Variants in PABPC4L observed in about 807,000 individuals in gnomAD.
PABPC4L encodes poly(A) binding protein cytoplasmic 4 like.
For missense variants in PABPC4L, 452 were observed against 451.4 expected (o/e 1.00, Z -0.01); for synonymous variants, 169 against 164.1 (o/e 1.03, Z -0.23).
the PABPC4L span, among the ~76,000 whole-genome samples, chr4:134,182,930 G>A: frequency 6.6e-6 from 1 of 151,942 alleles, no homozygotes; most frequent in Non-Finnish European, 1.5e-5. Flanking sequence ...CAGTGAAAAT[G>A]AGTATTATTA....
chr4:134,109,051 C>A, the PABPC4L span, among the ~76,000 whole-genome samples: 2 of 151,918 alleles, frequency 1.3e-5, no homozygotes, highest in East Asian at 1.9e-4. Context: ...AATCAAAAAA[C>A]TTTATGTAAC....
At chr4:134,138,657 C>T in the PABPC4L span, among the ~76,000 whole-genome samples, 7 of 151,406 alleles carry the variant, frequency 4.6e-5, no homozygotes, top group South Asian at 1.5e-3. Flanking sequence ...ATTATGCATT[C>T]TAATTTTAAT....
intron 1 of PABPC4L, 66 bp from the exon 2 acceptor site, chr4:134,201,311 T>TTCAA: frequency 7.4e-7 from 1 of 1,355,590 alleles, no homozygotes; most frequent in Non-Finnish European, 9.6e-7. Context: ...GTGAGAAAAC[T>TTCAA]TCAAGTGGCG....
At chr4:134,188,081 T>C in the PABPC4L span, among the ~76,000 whole-genome samples, 2 of 151,900 alleles carry the variant, frequency 1.3e-5, no homozygotes, top group Non-Finnish European at 2.9e-5. Context: ...ATATCCATTA[T>C]ACTTCTTTAA....
the PABPC4L span, among the ~76,000 whole-genome samples, chr4:133,958,873 C>A: frequency 6.6e-6 from 1 of 152,152 alleles, no homozygotes; most frequent in Admixed American, 6.5e-5. Context: ...GGAGACACAG[C>A]CAAACCATAT....
At chr4:134,175,344 G>A in the PABPC4L span, among the ~76,000 whole-genome samples, 1 of 151,842 alleles carries the variant, frequency 6.6e-6, no homozygotes, top group South Asian at 2.1e-4. Flanking sequence ...GATTTAAGCT[G>A]TTATTGTTTT....
At chr4:134,171,860 A>G in the PABPC4L span, among the ~76,000 whole-genome samples, 1 of 152,096 alleles carries the variant, frequency 6.6e-6, no homozygotes, top group Non-Finnish European at 1.5e-5. Context: ...TAGCATTTCT[A>G]TATACCAACA....
chr4:133,950,246 G>C, the PABPC4L span, among the ~76,000 whole-genome samples: 1 of 152,182 alleles, frequency 6.6e-6, no homozygotes, highest in Non-Finnish European at 1.5e-5. Context: ...GGAGGTTGCA[G>C]TTGGGAGAGG....
chr4:134,153,521 G>A, the PABPC4L span, among the ~76,000 whole-genome samples: 11 of 152,210 alleles, frequency 7.2e-5, no homozygotes, highest in East Asian at 1.9e-4. Context: ...AATTGTTCAC[G>A]TGATATTATT....
the PABPC4L span, among the ~76,000 whole-genome samples, chr4:134,128,542 T>A: frequency 6.6e-6 from 1 of 152,098 alleles, no homozygotes; most frequent in South Asian, 2.1e-4. Context: ...AAATTTTGTA[T>A]CCAGCAAAAC....
At chr4:133,990,988 TC>T in the PABPC4L span, among the ~76,000 whole-genome samples, 1 of 152,120 alleles carries the variant, frequency 6.6e-6, no homozygotes, top group Non-Finnish European at 1.5e-5. Context: ...CTCCTTCATC[TC>T]CCTCTTTTCT....
the PABPC4L span, among the ~76,000 whole-genome samples, chr4:134,006,488 A>G: frequency 6.6e-6 from 1 of 151,922 alleles, no homozygotes; most frequent in Admixed American, 6.6e-5. Flanking sequence ...AGCCTTTCTC[A>G]GTTTCTAGAA....
chr4:134,186,120 T>C, the PABPC4L span, among the ~76,000 whole-genome samples: 13 of 152,096 alleles, frequency 8.5e-5, no homozygotes, highest in African/African-American at 3.1e-4. Flanking sequence ...TCCAAGGTAA[T>C]TTACAGATTC....
chr4:134,150,860 C>T, the PABPC4L span, among the ~76,000 whole-genome samples: 102,364 of 152,044 alleles, frequency 0.67, 35,424 homozygotes, highest in East Asian at 1. Flanking sequence ...TTTTTTATGC[C>T]AGTATAAACT....
At chr4:134,152,831 C>T in the PABPC4L span, among the ~76,000 whole-genome samples, 1 of 152,106 alleles carries the variant, frequency 6.6e-6, no homozygotes, top group Non-Finnish European at 1.5e-5. Context: ...AGAAGCATGG[C>T]ATCAGAATTG....
At chr4:133,994,042 C>T in the PABPC4L span, among the ~76,000 whole-genome samples, 50 of 152,220 alleles carry the variant, frequency 3.3e-4, no homozygotes, top group East Asian at 9.1e-3. Context: ...TCTTTGAGTG[C>T]TAGTAAATCC....
At chr4:134,147,295 G>A in the PABPC4L span, among the ~76,000 whole-genome samples, 1 of 151,976 alleles carries the variant, frequency 6.6e-6, no homozygotes, top group Non-Finnish European at 1.5e-5. Context: ...GAAATAATAA[G>A]TAGAAAATAT....
chr4:133,996,797 T>C, the PABPC4L span, among the ~76,000 whole-genome samples: 1 of 152,094 alleles, frequency 6.6e-6, no homozygotes, highest in South Asian at 2.1e-4. Context: ...CCCCCATAAG[T>C]ACAGATTATT....
chr4:134,002,405 G>T, the PABPC4L span, among the ~76,000 whole-genome samples: 1 of 151,772 alleles, frequency 6.6e-6, no homozygotes, highest in Non-Finnish European at 1.5e-5. Flanking sequence ...TAATGAAAGT[G>T]ATAGACATAT....
Sources: allele counts gnomAD v4.1 joint callset (sites outside exome capture counted in the v4.1 genomes callset), GRCh38; gene constraint gnomAD v4.1.1; transcripts MANE v1.5; gene names NCBI Gene and HGNC (gene_info 2026-07-23, HGNC 2026-07-21).